The following LY6G5C variants were observed in gnomAD, a reference collection of about 807,000 sequenced individuals.
LY6G5C encodes lymphocyte antigen 6 family member G5C.
A neutral mutation model predicts 10.5 loss-of-function variants in LY6G5C; 6 were observed. That is an observed-to-expected ratio of 0.57 (90% CI 0.31 to 1.12). The LOEUF (loss-of-function observed/expected upper bound fraction) is 1.12, where lower values mean the gene tolerates loss of function less well. Ranked by LOEUF, LY6G5C falls within the 50% of genes most tolerant of loss-of-function variation. The pLI is 0.05. For missense variants in LY6G5C, 160 were observed against 185.5 expected, an observed-to-expected ratio of 0.86 and a Z score of 0.80; for synonymous variants, 69 against 67.8, an observed-to-expected ratio of 1.02 and a Z score of -0.09.
At chr6:31,680,616 G>A (rs1802836834), upstream of LY6G5C, among the ~76,000 whole-genome samples, 1 of 152,206 alleles carries the variant, frequency 6.6e-6, no homozygotes, top group African/African-American at 2.4e-5. This position sits in a 1 kb window ranked among gnomAD's most constrained non-coding sequence, Gnocchi z 4.5. Context: ...TTGAATCACT[G>A]CATCAGATGC....
chr6:31,678,806 C>T (rs1802714834), intron 2 of LY6G5C, among the ~76,000 whole-genome samples: 1 of 152,070 alleles, frequency 6.6e-6, no homozygotes, highest in Admixed American at 6.6e-5. Flanking sequence ...TGGTGAATCC[C>T]CATCTCTACT....
rs1208625788 is a variant in LY6G5C at position 31,679,183 on chromosome 6, G to A, written c.207C>T (p.Thr69=). The A allele has an allele frequency of 3.1e-6, 5 of 1,612,850 alleles. No homozygotes were observed. Among genetic ancestry groups the A allele is most frequent in the Non-Finnish European group, 4.2e-6 (5 of 1,180,006 alleles). ...ATCCCAGAAGGCACCCTAACTCCTT[G>A]GTCTCCAAGAGGCATCGGTAGCAGC... Residue 69 remains threonine (T), a synonymous_variant, in exon 2 of 3, where the codon ACC becomes ACT. Transcript: ENST00000383237. The surrounding 1 kb of genome is among the most constrained non-coding windows in gnomAD (Gnocchi z 4.4).
exon 3 of LY6G5C, chr6:31,676,968 A>G: frequency 6.2e-7 from 1 of 1,613,058 alleles, no homozygotes; most frequent in Non-Finnish European, 8.5e-7. Context: ...TAAGGAGTAT[A>G]GAGCCCTCTG....
exon 3 of LY6G5C, chr6:31,676,846 A>G (rs917155721): frequency 2.9e-5 from 30 of 1,026,354 alleles, no homozygotes; most frequent in Non-Finnish European, 2.9e-6. Flanking sequence ...GGCTGGAGGG[A>G]GGCAAGGAGG....
rs777166282 is a variant in LY6G5C at position 31,680,345 on chromosome 6, C to T, written c.29G>A (p.Ser10Asn). The change falls in exon 1 of 3, where the codon AGC (serine) becomes AAC (asparagine). Residue 10 changes from serine (S) to asparagine (N), a missense_variant. Coordinates refer to ENST00000383237, the Ensembl canonical transcript of LY6G5C. This position sits in a 1 kb window ranked among gnomAD's most constrained non-coding sequence, Gnocchi z 4.5. ...GAAGCACAGGGGACCCAGACTCTGGCTCCCTGCAGGGCCTGCCATAAAACG... is the reference window on the plus strand; with the variant it reads ...GAAGCACAGGGGACCCAGACTCTGGTTCCCTGCAGGGCCTGCCATAAAACG... 6.3e-7 allele frequency: 1 copy of T among 1,591,928 alleles called. No homozygotes were observed. Among genetic ancestry groups the T allele is most frequent in the Non-Finnish European group, 8.5e-7 (1 of 1,170,174 alleles).
At position 31,679,327 on chromosome 6, in the gene LY6G5C, C is replaced by T; in HGVS notation, c.122-59G>A. 1 of 1,592,462 alleles carries T rather than the reference C, an allele frequency of 6.3e-7. No individual in the cohort carries two copies. Among genetic ancestry groups the T allele is most frequent in the South Asian group, 1.1e-5 (1 of 90,564 alleles). On this transcript the variant is annotated intron_variant, in intron 1 of 2. Transcript: ENST00000383237. This position sits in a 1 kb window ranked among gnomAD's most constrained non-coding sequence, Gnocchi z 4.4. ...CCCCATTCTACCTCACACCCTACCA[C>T]TGCCTGATTCCAGGCCACTCAGCCC...
At chr6:31,677,203 A>G in intron 2 of LY6G5C, 83 bp from the exon 3 acceptor site, 1 of 1,307,232 alleles carries the variant, frequency 7.6e-7, no homozygotes, top group Non-Finnish European at 1.1e-6. Context: ...TCATAAGTCA[A>G]AAAAAAAAGA....
chr6:31,680,369 C>G lies in LY6G5C; in HGVS notation c.5G>C (p.Arg2Pro). The G allele has an allele frequency of 6.2e-7, 1 of 1,608,084 alleles. No individual in the cohort carries two copies. The highest frequency in any genetic ancestry group is 8.5e-7 in the Non-Finnish European group (1 of 1,177,628). The change falls in exon 1 of 3, where the codon CGT (arginine) becomes CCT (proline). Residue 2 changes from arginine (R) to proline (P), a missense_variant. By Grantham distance (103) the Arg-to-Pro change is moderately radical. Transcript: ENST00000383237. This position sits in a 1 kb window ranked among gnomAD's most constrained non-coding sequence, Gnocchi z 4.5. Reference sequence around the variant, plus strand: ...GCTCCCTGCAGGGCCTGCCATAAAACGCATGACTGCCTGCTGGCCTCCAGT... The same window carrying G: ...GCTCCCTGCAGGGCCTGCCATAAAAGGCATGACTGCCTGCTGGCCTCCAGT...
Position 31,679,321 on chromosome 6 carries a change from C to T in LY6G5C, c.122-53G>A. ...CTCACACCCCATTCTACCTCACACC[C>T]TACCACTGCCTGATTCCAGGCCACT... On this transcript the variant is annotated intron_variant, in intron 1 of 2. Transcript: ENST00000383237. The surrounding 1 kb of genome is among the most constrained non-coding windows in gnomAD (Gnocchi z 4.4). 3.1e-6 allele frequency: 5 copies of T among 1,598,050 alleles called. No homozygotes were observed. Among genetic ancestry groups the T allele is most frequent in the Non-Finnish European group, 4.3e-6 (5 of 1,166,686 alleles).
Position 31,679,389 on chromosome 6 carries a change from A to C in LY6G5C, c.122-121T>G. Reference sequence around the variant, plus strand: ...CCCTTCCTGTCTCAGAAAACCATCAAAGCCCCAATTCTCTGCTTCCTTCCC... The same window carrying C: ...CCCTTCCTGTCTCAGAAAACCATCACAGCCCCAATTCTCTGCTTCCTTCCC... On this transcript the variant is annotated intron_variant, in intron 1 of 2. Transcript: ENST00000383237. The surrounding 1 kb of genome is among the most constrained non-coding windows in gnomAD (Gnocchi z 4.4). 9.2e-7 allele frequency: 1 copy of C among 1,092,828 alleles called. No homozygotes were observed. The highest frequency in any genetic ancestry group is 1.4e-6 in the Non-Finnish European group (1 of 729,440). 67.7% of individuals were successfully genotyped at this position (1,092,828 alleles called of 1,614,324 possible). A position where few individuals can be genotyped will look rare whatever the true frequency, so the allele number is the denominator to read the frequency against.
At chr6:31,676,719 C>G (rs1368079029), downstream of LY6G5C, 2 of 493,546 alleles carry the variant, frequency 4.1e-6, no homozygotes, top group East Asian at 6.0e-5. Flanking sequence ...GGAGAAACAT[C>G]CAGGGACTAG....
upstream of LY6G5C, chr6:31,680,446 A>C (rs1213512797): frequency 1.1e-5 from 17 of 1,517,596 alleles, no homozygotes; most frequent in Non-Finnish European, 1.5e-5. This position sits in a 1 kb window ranked among gnomAD's most constrained non-coding sequence, Gnocchi z 4.5. Flanking sequence ...GAGAGAGGCA[A>C]CACCAGCTCA....
exon 3 of LY6G5C, chr6:31,676,955 C>T (rs1802610458): frequency 6.2e-7 from 1 of 1,612,302 alleles, no homozygotes; most frequent in South Asian, 1.1e-5. Context: ...GCTGCAGTCA[C>T]ACTAAGGAGT....
Sources: allele counts gnomAD v4.1 joint callset (sites outside exome capture counted in the v4.1 genomes callset), GRCh38; gene constraint gnomAD v4.1.1; non-coding constraint Gnocchi (gnomAD v3.1); transcripts MANE v1.5; gene names NCBI Gene and HGNC (gene_info 2026-07-23, HGNC 2026-07-21).